The following PCDHGC3 variants were observed in gnomAD, a reference collection of about 807,000 sequenced individuals.
The protein encoded by PCDHGC3 is protocadherin gamma subfamily C, 3, also known as protocadherin gamma-C3.
Under a neutral mutation model 59.2 loss-of-function variants are expected in PCDHGC3, and 26 were observed. That is an observed-to-expected ratio of 0.44 (90% confidence interval 0.32 to 0.61). The LOEUF (loss-of-function observed/expected upper bound fraction) is 0.61, where lower values mean the gene tolerates loss of function less well. PCDHGC3 is among the 20% of genes least tolerant of loss of function. PCDHGC3 has a pLI of 0.05. For synonymous variants in PCDHGC3, 487 were observed against 519.7 expected (o/e 0.94, Z 0.86); for missense variants, 1,080 against 1,221.8 (o/e 0.88, Z 1.73).
At chr5:141,495,814 T>C (rs2099764028) in intron 2 of PCDHGC3, among the ~76,000 whole-genome samples, 1 of 152,134 alleles carries the variant, frequency 6.6e-6, no homozygotes, top group Non-Finnish European at 1.5e-5. Context: ...TCCTAGCGCC[T>C]TGTGTTCTTC....
chr5:141,494,759 C>A (rs776923097), intron 1 of PCDHGC3, 48 bp from the exon 2 acceptor site: 3 of 1,613,886 alleles, frequency 1.9e-6, no homozygotes, highest in Non-Finnish European at 2.5e-6. Context: ...GGGTGACATT[C>A]TAACTTCTCA....
chr5:141,486,163 G>A lies in PCDHGC3; in HGVS notation c.2430+7617G>A. 2.5e-6 allele frequency: 4 copies of A among 1,614,212 alleles called. No individual in the cohort carries two copies. Among genetic ancestry groups the A allele is most frequent in the Non-Finnish European group, 3.4e-6 (4 of 1,180,034 alleles). The stretch of plus-strand genomic sequence containing the variant: ...CTCGCGATGGGGGTTCTCCAGCCAT[G>A]GAGCAACATTGCAGCCTTCGAGTGG... On this transcript the variant is annotated intron_variant, in intron 1 of 3. Transcript: ENST00000308177. This position sits in a 1 kb window ranked among gnomAD's most constrained non-coding sequence, Gnocchi z 5.0.
intron 2 of PCDHGC3, among the ~76,000 whole-genome samples, chr5:141,504,788 TC>T (rs1235410120): frequency 6.6e-6 from 1 of 152,070 alleles, no homozygotes; most frequent in Non-Finnish European, 1.5e-5. Context: ...TCTTGGGGCC[TC>T]CTACATCTCC....
chr5:141,510,895 CTGT>C, intron 3 of PCDHGC3, 49 bp from the exon 4 acceptor site: 1 of 1,612,988 alleles, frequency 6.2e-7, no homozygotes, highest in Non-Finnish European at 8.5e-7. Flanking sequence ...AAGACAGTGA[CTGT>C]TGAGGACCCT....
intron 2 of PCDHGC3, among the ~76,000 whole-genome samples, chr5:141,501,728 C>A (rs1284130771): frequency 1.3e-5 from 2 of 152,134 alleles, no homozygotes; most frequent in East Asian, 1.9e-4. Flanking sequence ...ATATATTACC[C>A]AGTCAGCTTA....
chr5:141,501,478 T>A (rs536337246), intron 2 of PCDHGC3, among the ~76,000 whole-genome samples: 5 of 151,890 alleles, frequency 3.3e-5, no homozygotes, highest in Non-Finnish European at 7.4e-5. Flanking sequence ...CCTGGAAGAG[T>A]CCCTCATATC....
rs11952292 is a variant in PCDHGC3 at position 141,491,682 on chromosome 5, G to T, written c.2431-3125G>T. The T allele has an allele frequency of 0.072, 115,891 of 1,613,112 alleles. 4,572 individuals carry two copies. The highest frequency in any genetic ancestry group is 0.11 in the South Asian group (9,996 of 91,042). ...ACGCCATCCGGTCCCGCTCTAATAC[G>T]CTGCGGGAGCGGAGCCAGGTGAGGG... On this transcript the variant is annotated intron_variant, in intron 1 of 3. Coordinates refer to ENST00000308177, the MANE Select transcript of PCDHGC3 (RefSeq NM_002588.4). The surrounding 1 kb of genome is among the most constrained non-coding windows in gnomAD (Gnocchi z 6.9).
chr5:141,490,399 C>T lies in PCDHGC3; in HGVS notation c.2431-4408C>T. The T allele has an allele frequency of 1.2e-6, 2 of 1,614,148 alleles. No homozygotes were observed. Among genetic ancestry groups the T allele is most frequent in the Non-Finnish European group, 1.7e-6 (2 of 1,180,016 alleles). On this transcript the variant is annotated intron_variant, in intron 1 of 3. Transcript: ENST00000308177. This position sits in a 1 kb window ranked among gnomAD's most constrained non-coding sequence, Gnocchi z 5.4. ...CTCAGGTAGAAATGGTGAAGTGAGC[C>T]TTGATATCTCTCCGGACCTGCCATT... is the stretch of plus-strand genomic sequence containing the variant.
In PCDHGC3 at chr5:141,493,145, AG is replaced by A. The variant is rs11350413; in HGVS notation, c.2431-1660del. Among the ~76,000 whole-genome samples the A allele has an allele frequency of 0.17, 26,475 of 152,128 alleles. 2,528 individuals carry two copies. The highest frequency in any genetic ancestry group is 0.28 in the Admixed American group (4,206 of 15,272). ...TAGGACTGTATTTTGAAACACCCCC[AG>A]GTGATTTTGATAGCTGATTGAGAGA... is the stretch of plus-strand genomic sequence containing the variant. On this transcript the variant is annotated intron_variant, in intron 1 of 3. Transcript: ENST00000308177. The surrounding 1 kb of genome is among the most constrained non-coding windows in gnomAD (Gnocchi z 4.3).
intron 1 of PCDHGC3, among the ~76,000 whole-genome samples, chr5:141,481,731 A>G (rs1339022274): frequency 6.6e-6 from 1 of 152,060 alleles, no homozygotes; most frequent in African/African-American, 2.4e-5. Context: ...AGGCGGGCGG[A>G]TCACGAGGTC....
intron 3 of PCDHGC3, 73 bp from the exon 4 acceptor site, chr5:141,510,874 G>A (rs1419164967): frequency 3.7e-6 from 6 of 1,610,008 alleles, no homozygotes; most frequent in Admixed American, 1.7e-5. Context: ...TTCATTAACT[G>A]CTGGGGATAT....
At position 141,478,876 on chromosome 5, in the gene PCDHGC3, C is replaced by A. The variant is rs2099482470; in HGVS notation, c.2430+330C>A. 30 of 1,265,748 alleles carry A rather than the reference C, an allele frequency of 2.4e-5. No individual in the cohort carries two copies. The South Asian group carries it at 4.7e-4, about 20-fold the overall frequency. 78.4% of individuals were successfully genotyped at this position (1,265,748 alleles called of 1,614,324 possible). On this transcript the variant is annotated intron_variant, in intron 1 of 3. Transcript: ENST00000308177. ...CAAGATCTCAGCGATCAGAGTTTAGCTTGGTATCATTTACATTAGGAATAA... is the reference window on the plus strand; with the variant it reads ...CAAGATCTCAGCGATCAGAGTTTAGATTGGTATCATTTACATTAGGAATAA...
chr5:141,498,437 G>C (rs996627716), intron 2 of PCDHGC3, among the ~76,000 whole-genome samples: 1 of 152,170 alleles, frequency 6.6e-6, no homozygotes, highest in Non-Finnish European at 1.5e-5. Flanking sequence ...GGGATGAAGA[G>C]GAGAGGTTCC....
chr5:141,492,464 C>G (rs1595116794), intron 1 of PCDHGC3, among the ~76,000 whole-genome samples: 1 of 152,354 alleles, frequency 6.6e-6, no homozygotes, highest in Non-Finnish European at 1.5e-5. Context: ...GCCTGAGGGT[C>G]CCAGATCGCG....
At chr5:141,478,755 A>G in intron 1 of PCDHGC3, 1 of 1,519,784 alleles carries the variant, frequency 6.6e-7, no homozygotes, top group South Asian at 1.3e-5. Flanking sequence ...TTCAGGGGGA[A>G]GATACTTGAC....
At position 141,476,973 on chromosome 5, in the gene PCDHGC3, A is replaced by C. The variant is rs1205314116; in HGVS notation, c.857A>C (p.His286Pro). ...NGEIIYSFGS[H>P]NRAGVRQLFA... Reference sequence around the variant, plus strand: ...GAAATTATTTACTCCTTCGGCAGCCACAACCGCGCCGGCGTGCGGCAACTA... The same window carrying C: ...GAAATTATTTACTCCTTCGGCAGCCCCAACCGCGCCGGCGTGCGGCAACTA... The change falls in exon 1 of 4, where the codon CAC (histidine) becomes CCC (proline). Residue 286 changes from histidine to proline, a missense_variant. Coordinates refer to ENST00000308177, the MANE Select transcript of PCDHGC3 (RefSeq NM_002588.4). The surrounding 1 kb of genome is among the most constrained non-coding windows in gnomAD (Gnocchi z 7.6). 6.2e-7 allele frequency: 1 copy of C among 1,614,230 alleles called. No homozygotes were observed. The highest frequency in any genetic ancestry group is 2.2e-5 in the East Asian group (1 of 44,884).
chr5:141,487,351 T>A lies in PCDHGC3; in HGVS notation c.2431-7456T>A. 6.2e-7 allele frequency: 1 copy of A among 1,614,210 alleles called. No individual in the cohort carries two copies. The highest frequency in any genetic ancestry group is 8.5e-7 in the Non-Finnish European group (1 of 1,180,038). On this transcript the variant is annotated intron_variant, in intron 1 of 3. Transcript: ENST00000308177. The surrounding 1 kb of genome is among the most constrained non-coding windows in gnomAD (Gnocchi z 5.0). ...GGGCAGCCTGTGGAGTCACATGCTT[T>A]CCTGCTGGCACCTGTGCCTGTCTCA...
intron 1 of PCDHGC3, among the ~76,000 whole-genome samples, chr5:141,482,257 T>C (rs2099555476): frequency 1.3e-5 from 2 of 152,156 alleles, no homozygotes; most frequent in Admixed American, 1.3e-4. Context: ...ACTGTACATA[T>C]TAGTTGTTTA....
chr5:141,505,513 G>A lies in PCDHGC3; in HGVS notation c.2578+32G>A, dbSNP rs1157816684. ...GGTGTCAGTGTGTGTATGGAAGAGT[G>A]GGAGACCTGGGGTTCTGGGGTGCAT... On this transcript the variant is annotated intron_variant, in intron 3 of 3. Coordinates refer to ENST00000308177, the MANE Select transcript of PCDHGC3 (RefSeq NM_002588.4). The A allele has an allele frequency of 3.1e-6, 5 of 1,613,710 alleles. No homozygotes were observed. In the South Asian group the frequency reaches 3.3e-5, roughly 11 times the overall value.
Sources: allele counts gnomAD v4.1 joint callset (sites outside exome capture counted in the v4.1 genomes callset), GRCh38; gene constraint gnomAD v4.1.1; non-coding constraint Gnocchi (gnomAD v3.1); transcripts MANE v1.5; gene names NCBI Gene and HGNC (gene_info 2026-07-23, HGNC 2026-07-21).